Variants in SLC7A14 observed in about 807,000 individuals in gnomAD.
SLC7A14 encodes the protein solute carrier family 7 member 14, also known as gamma-aminobutyric acid transporter SLC7A14.
In SLC7A14, 37 loss-of-function variants were observed where a neutral mutation model predicts 60.2. The ratio of observed to expected loss-of-function variants is 0.61; its 90% CI spans 0.47 to 0.81. SLC7A14 has a LOEUF of 0.81. SLC7A14 is among the 30% of genes least tolerant of loss of function. The probability of loss-of-function intolerance (pLI) is 0.00; values close to 1 mark genes in which losing one functional copy is unlikely to be tolerated. For synonymous variants in SLC7A14, 399 were observed against 395.8 expected (o/e 1.01, Z -0.10); for missense variants, 886 against 982.7 (o/e 0.90, Z 1.32).
intron 1 of SLC7A14, among the ~76,000 whole-genome samples, chr3:170,530,932 G>A (rs1020750485): frequency 7.9e-5 from 12 of 152,232 alleles, no homozygotes; most frequent in African/African-American, 2.9e-4. Context: ...TGGGCTTCAT[G>A]CCCGCTTTTG....
chr3:170,489,933 C>G (rs534292164), intron 4 of SLC7A14, among the ~76,000 whole-genome samples: 212 of 141,196 alleles, frequency 1.5e-3, no homozygotes, highest in South Asian at 5.3e-3. Flanking sequence ...GGATGGTTAT[C>G]AGAGGCTGGG....
intron 3 of SLC7A14, 70 bp from the exon 4 acceptor site, chr3:170,498,954 C>T: frequency 4.9e-6 from 7 of 1,438,894 alleles, no homozygotes; most frequent in Non-Finnish European, 5.8e-6. Flanking sequence ...CTGGTCCTAC[C>T]CCACTGCATC....
At chr3:170,531,608 C>CT (rs1195198604) in intron 1 of SLC7A14, among the ~76,000 whole-genome samples, 1 of 152,086 alleles carries the variant, frequency 6.6e-6, no homozygotes, top group Non-Finnish European at 1.5e-5. Flanking sequence ...AGGAAATGTA[C>CT]TGGAGAGAAC....
chr3:170,478,412 A>G (rs1263165183), intron 7 of SLC7A14, among the ~76,000 whole-genome samples: 1 of 127,538 alleles, frequency 7.8e-6, no homozygotes, highest in African/African-American at 2.5e-5. Context: ...AATTGGTTAA[A>G]ATCTTGATGA....
intron 2 of SLC7A14, among the ~76,000 whole-genome samples, chr3:170,514,428 G>T (rs1713086892): frequency 6.6e-6 from 1 of 152,218 alleles, no homozygotes. Flanking sequence ...AGTGCACAAA[G>T]TTGAGGCTGC....
intron 4 of SLC7A14, among the ~76,000 whole-genome samples, chr3:170,491,511 A>T (rs1360237830): frequency 6.6e-6 from 1 of 152,202 alleles, no homozygotes; most frequent in Admixed American, 6.5e-5. Flanking sequence ...GACTATAGGC[A>T]GGTCTGGGGA....
At chr3:170,539,720 A>G (rs1223455625) in intron 1 of SLC7A14, among the ~76,000 whole-genome samples, 1 of 152,152 alleles carries the variant, frequency 6.6e-6, no homozygotes, top group African/African-American at 2.4e-5. Context: ...AAAATCTACA[A>G]TATCATATAG....
At chr3:170,522,318 T>G (rs1416039610) in intron 2 of SLC7A14, among the ~76,000 whole-genome samples, 2 of 152,218 alleles carry the variant, frequency 1.3e-5, no homozygotes, top group East Asian at 3.8e-4. Context: ...AACTTGTGTT[T>G]ATATAAAAAC....
chr3:170,515,396 C>T (rs1713125553), intron 2 of SLC7A14, among the ~76,000 whole-genome samples: 1 of 151,820 alleles, frequency 6.6e-6, no homozygotes, highest in South Asian at 2.1e-4. Flanking sequence ...GGCGAGGCTG[C>T]TCACTAGCCT....
chr3:170,482,420 A>T (rs1029086601), intron 6 of SLC7A14, among the ~76,000 whole-genome samples: 3 of 152,230 alleles, frequency 2.0e-5, no homozygotes, highest in Admixed American at 2.0e-4. Flanking sequence ...ATGAGTCAGA[A>T]GATGATGTCT....
At chr3:170,495,492 CA>C in intron 4 of SLC7A14, 1 of 894,908 alleles carries the variant, frequency 1.1e-6, no homozygotes, top group Non-Finnish European at 1.7e-6. Flanking sequence ...CTCTGGCCCC[CA>C]GGCCTTTAGC....
rs1452575990 is a variant in SLC7A14, at chr3:170,460,614, A to G, written c.*6441T>C. The G allele has an allele frequency of 6.6e-6, 1 of 152,196 alleles. No individual in the cohort carries two copies. Among genetic ancestry groups the G allele is most frequent in the African/African-American group, 2.4e-5 (1 of 41,436 alleles). 9.4% of individuals were successfully genotyped at this position (152,196 alleles called of 1,614,324 possible). On this transcript the variant is annotated 3_prime_UTR_variant, in exon 8 of 8. Transcript: ENST00000231706. ...CACAGTCCTTTAAAGTCTGCACTGC[A>G]GGTGAAATTCACATGACTCACAATT...
At chr3:170,584,611 A>G (rs1356979336) in intron 1 of SLC7A14, among the ~76,000 whole-genome samples, 1 of 152,084 alleles carries the variant, frequency 6.6e-6, no homozygotes, top group East Asian at 1.9e-4. Context: ...CTGTTTCTCT[A>G]GGTCGCTTGC....
chr3:170,506,710 A>G (rs1712790436), intron 2 of SLC7A14, among the ~76,000 whole-genome samples: 1 of 152,182 alleles, frequency 6.6e-6, no homozygotes, highest in South Asian at 2.1e-4. Context: ...TAATCACGAC[A>G]TGCTTCTCCC....
chr3:170,537,126 T>C lies in SLC7A14; in HGVS notation c.-152-10038A>G, dbSNP rs115585407. On this transcript the variant is annotated intron_variant, in intron 1 of 7. Coordinates refer to ENST00000231706, the MANE Select transcript of SLC7A14 (RefSeq NM_020949.3). ...GGCTGCTGTAACAAATGGCTACAAA[T>C]GTAGTGGCCAAAAATGACAGATTTG... Among the ~76,000 whole-genome samples the C allele has an allele frequency of 5.3e-3, 809 of 152,310 alleles. 10 individuals carry two copies. Among genetic ancestry groups the C allele is most frequent in the African/African-American group, 0.019 (784 of 41,578 alleles).
At chr3:170,552,265 T>C (rs1355600091) in intron 1 of SLC7A14, among the ~76,000 whole-genome samples, 1 of 152,192 alleles carries the variant, frequency 6.6e-6, no homozygotes, top group Non-Finnish European at 1.5e-5. Flanking sequence ...AGATACACTC[T>C]TACATTAATA....
At chr3:170,563,569 C>T (rs1239518295) in intron 1 of SLC7A14, among the ~76,000 whole-genome samples, 2 of 152,074 alleles carry the variant, frequency 1.3e-5, no homozygotes, top group Non-Finnish European at 2.9e-5. Flanking sequence ...AGGCACCCAC[C>T]ATCATGCCCA....
intron 1 of SLC7A14, among the ~76,000 whole-genome samples, chr3:170,544,954 C>A (rs116023186): frequency 6.6e-6 from 1 of 152,084 alleles, no homozygotes; most frequent in Non-Finnish European, 1.5e-5. Flanking sequence ...ATTTTCTGTG[C>A]GGTCTAATAC....
intron 7 of SLC7A14, among the ~76,000 whole-genome samples, chr3:170,478,941 G>C (rs902356412): frequency 1.3e-5 from 2 of 152,068 alleles, no homozygotes; most frequent in Non-Finnish European, 2.9e-5. Flanking sequence ...GGCCAACATG[G>C]TGAAACCCTA....
Sources: gnomAD v4.1 joint callset for allele counts (sites outside exome capture counted in the v4.1 genomes callset) on GRCh38, gnomAD v4.1.1 for gene constraint, MANE v1.5 for transcripts, NCBI Gene and HGNC (gene_info 2026-07-23, HGNC 2026-07-21) for gene names.